The following F13A1 variants were observed in gnomAD, a reference collection of about 807,000 sequenced individuals.
The protein encoded by F13A1 is coagulation factor XIII A chain.
A neutral mutation model predicts 80.1 loss-of-function variants in F13A1; 47 were observed. The ratio of observed to expected loss-of-function variants is 0.59; its 90% CI spans 0.46 to 0.75. The LOEUF (loss-of-function observed/expected upper bound fraction) is 0.75, where lower values mean the gene tolerates loss of function less well. Ranked by LOEUF, F13A1 falls within the 30% of genes least tolerant of loss-of-function variation. The pLI, the probability that F13A1 is intolerant of heterozygous loss-of-function variation, is 0.00. For synonymous variants in F13A1, 349 were observed against 344.9 expected (o/e 1.01, Z -0.13); for missense variants, 817 against 930.4 (o/e 0.88, Z 1.59).
At chr6:6,246,219 G>A (rs1757554005) in intron 6 of F13A1, among the ~76,000 whole-genome samples, 1 of 152,182 alleles carries the variant, frequency 6.6e-6, no homozygotes, top group African/African-American at 2.4e-5. Flanking sequence ...GAACGGGAGA[G>A]TATCTGCCTG....
chr6:6,167,369 C>A lies in F13A1; in HGVS notation c.1908+89G>T. On this transcript the variant is annotated intron_variant, in intron 13 of 14. Coordinates refer to ENST00000264870, the MANE Select transcript of F13A1 (RefSeq NM_000129.4). ...TTTGAGCAGGACATTCATTCACACA[C>A]ACACACACATACAAGCACGCATATG... 1.2e-5 allele frequency: 15 copies of A among 1,297,380 alleles called. 1 individual carries two copies. The South Asian group carries it at 1.2e-4, about 10-fold the overall frequency. The allele number at this position is 1,297,380 out of a possible 1,614,324, so 80.4% of individuals were successfully genotyped here.
chr6:6,286,956 C>G (rs1016145595), intron 3 of F13A1, among the ~76,000 whole-genome samples: 1 of 152,118 alleles, frequency 6.6e-6, no homozygotes, highest in African/African-American at 2.4e-5. Flanking sequence ...TTTAGCTTTC[C>G]TACATAGTTG....
At chr6:6,264,738 T>C (rs1283595320) in intron 4 of F13A1, among the ~76,000 whole-genome samples, 1 of 152,248 alleles carries the variant, frequency 6.6e-6, no homozygotes, top group Non-Finnish European at 1.5e-5. Context: ...TTTTCATCTC[T>C]GTAAATATCA....
chr6:6,282,935 T>C (rs1758086147), intron 3 of F13A1, among the ~76,000 whole-genome samples: 1 of 152,024 alleles, frequency 6.6e-6, no homozygotes, highest in African/African-American at 2.4e-5. Context: ...TCCACAGGAG[T>C]TGATCCCAAC....
At chr6:6,254,636 G>C (rs553722216) in intron 4 of F13A1, among the ~76,000 whole-genome samples, 1 of 152,302 alleles carries the variant, frequency 6.6e-6, no homozygotes, top group African/African-American at 2.4e-5. Context: ...GTTAAAGTTG[G>C]TTTTCCCTGG....
intron 3 of F13A1, among the ~76,000 whole-genome samples, chr6:6,295,278 T>C (rs1207462259): frequency 4.7e-5 from 7 of 148,702 alleles, no homozygotes; most frequent in South Asian, 4.2e-4. Flanking sequence ...GATGGCTGGG[T>C]CAAATGGTAT....
At chr6:6,213,296 T>A (rs1265765196) in intron 8 of F13A1, among the ~76,000 whole-genome samples, 2 of 151,196 alleles carry the variant, frequency 1.3e-5, no homozygotes, top group African/African-American at 2.4e-5. Context: ...CGGGTTACCC[T>A]CAAAGGGAAG....
intron 6 of F13A1, among the ~76,000 whole-genome samples, chr6:6,236,032 T>C (rs778166993): frequency 6.6e-6 from 1 of 152,010 alleles, no homozygotes; most frequent in Non-Finnish European, 1.5e-5. Context: ...TAAGGAAGCA[T>C]AAAAGAAGCC....
intron 6 of F13A1, among the ~76,000 whole-genome samples, chr6:6,225,518 T>TCTC (rs201121190): frequency 0.017 from 2,563 of 152,118 alleles, 73 homozygotes; most frequent in African/African-American, 0.058. Flanking sequence ...CTCTCTCTCT[T>TCTC]TCTTTCTAAG....
At chr6:6,193,989 A>C (rs956636592) in intron 10 of F13A1, among the ~76,000 whole-genome samples, 6 of 152,156 alleles carry the variant, frequency 3.9e-5, no homozygotes, top group Admixed American at 3.3e-4. Context: ...GTGTGTTTCA[A>C]ATTCCTGATC....
chr6:6,252,908 C>T (rs1757652597), intron 4 of F13A1, among the ~76,000 whole-genome samples: 1 of 152,046 alleles, frequency 6.6e-6, no homozygotes, highest in Admixed American at 6.5e-5. Flanking sequence ...CTTGTAATCC[C>T]AGCACTTTGG....
At chr6:6,161,551 T>TGTGTGTGTGTGTGTGTGAGA (rs1010361754) in intron 13 of F13A1, among the ~76,000 whole-genome samples, 30 of 146,374 alleles carry the variant, frequency 2.0e-4, no homozygotes, top group African/African-American at 6.1e-4. Flanking sequence ...TGTGTGTGTG[T>TGTGTGTGTGTGTGTGTGAGA]GAGAGAGAGA....
At chr6:6,203,149 G>T (rs567289203) in intron 8 of F13A1, among the ~76,000 whole-genome samples, 5 of 152,234 alleles carry the variant, frequency 3.3e-5, no homozygotes, top group African/African-American at 1.2e-4. Flanking sequence ...TAAAAATGCA[G>T]ATCTATATTG....
intron 14 of F13A1, 99 bp from the exon 15 acceptor site, chr6:6,145,871 T>A: frequency 6.6e-7 from 1 of 1,524,276 alleles, no homozygotes. Flanking sequence ...GCTTTCTTTC[T>A]CTCAGTTGGT....
In F13A1 at chr6:6,281,866, G is replaced by A. The variant is rs193277919; in HGVS notation, c.320-15057C>T. Among the ~76,000 whole-genome samples, 137 of 152,020 alleles carry A rather than the reference G, an allele frequency of 9.0e-4. 1 individual carries two copies. The East Asian group carries it at 0.013, about 15-fold the overall frequency. On this transcript the variant is annotated intron_variant, in intron 3 of 14. Coordinates refer to ENST00000264870, the MANE Select transcript of F13A1 (RefSeq NM_000129.4). ...AAATTAGCCAGGCCTGGTGGCGGGCGCCTGTAGTCCCCAGCTACCCAGGAG... is the reference window on the plus strand; with the variant it reads ...AAATTAGCCAGGCCTGGTGGCGGGCACCTGTAGTCCCCAGCTACCCAGGAG...
Position 6,162,168 on chromosome 6 carries a change from G to A in F13A1, c.1908+5290C>T, listed in dbSNP as rs529548276. 9.2e-5 allele frequency among the ~76,000 whole-genome samples: 14 copies of A among 152,184 alleles called. No individual in the cohort carries two copies. The highest frequency in any genetic ancestry group is 3.9e-4 in the East Asian group (2 of 5,168). Reference sequence around the variant, plus strand: ...TTGAAGCCTCTTTGTTCAGAGAGTCGATGATAAAGCTCTCATCCAAAATTG... The same window carrying A: ...TTGAAGCCTCTTTGTTCAGAGAGTCAATGATAAAGCTCTCATCCAAAATTG... On this transcript the variant is annotated intron_variant, in intron 13 of 14. Coordinates refer to ENST00000264870, the MANE Select transcript of F13A1 (RefSeq NM_000129.4). This position sits in a 1 kb window ranked among gnomAD's most constrained non-coding sequence, Gnocchi z 4.2.
intron 3 of F13A1, among the ~76,000 whole-genome samples, chr6:6,277,582 A>G (rs1001247050): frequency 2.6e-5 from 4 of 152,172 alleles, no homozygotes; most frequent in African/African-American, 9.7e-5. Flanking sequence ...GATGCTGACT[A>G]ACTAACTCAC....
intron 8 of F13A1, among the ~76,000 whole-genome samples, chr6:6,211,570 A>T: frequency 6.6e-6 from 1 of 152,170 alleles, no homozygotes; most frequent in African/African-American, 2.4e-5. Context: ...CTTTGCAGAC[A>T]GTGATTAAAA....
At chr6:6,198,110 A>AGT in intron 8 of F13A1, among the ~76,000 whole-genome samples, 1 of 152,216 alleles carries the variant, frequency 6.6e-6, no homozygotes, top group Admixed American at 6.5e-5. Context: ...TACTGTAGAA[A>AGT]CTACAACAAT....
Sources: gnomAD v4.1 joint callset for allele counts (sites outside exome capture counted in the v4.1 genomes callset) on GRCh38, gnomAD v4.1.1 for gene constraint, Gnocchi (gnomAD v3.1) non-coding constraint, MANE v1.5 for transcripts, NCBI Gene and HGNC (gene_info 2026-07-23, HGNC 2026-07-21) for gene names.